The following PRKN variants were observed in gnomAD, a reference collection of about 807,000 sequenced individuals.
PRKN encodes parkin RBR E3 ubiquitin protein ligase, also known as E3 ubiquitin-protein ligase parkin.
PRKN carries 56 observed loss-of-function variants against 59.5 expected under a neutral mutation model. The observed-to-expected ratio is 0.94, with a 90% CI of 0.76 to 1.18. The LOEUF is 1.18. PRKN is among the 50% of genes most tolerant of loss of function. The pLI is 0.00. For missense variants in PRKN, 657 were observed against 596.4 expected, an observed-to-expected ratio of 1.10 and a Z score of -1.06; for synonymous variants, 250 against 222.1, an observed-to-expected ratio of 1.13 and a Z score of -1.12.
chr6:161,811,654 G>A (rs1327910618), intron 6 of PRKN, among the ~76,000 whole-genome samples: 2 of 152,178 alleles, frequency 1.3e-5, no homozygotes, highest in Admixed American at 1.3e-4. Flanking sequence ...CGGGCACGGT[G>A]GCTCACACCT....
rs2115104715 is a variant in PRKN at position 161,446,054 on chromosome 6, C to T, written c.1084-59177G>A. 6.7e-6 allele frequency among the ~76,000 whole-genome samples: 1 copy of T among 148,428 alleles called. No homozygotes were observed. The highest frequency in any genetic ancestry group is 3.4e-3 in the Middle Eastern group (1 of 294). ...CCCTGTCTCTATAAAAAATATAAAA[C>T]TTAGCTGGGTGTGGTGGCACATGCC... On this transcript the variant is annotated intron_variant, in intron 9 of 11. Coordinates refer to ENST00000366898, the MANE Select transcript of PRKN (RefSeq NM_004562.3). This position sits in a 1 kb window ranked among gnomAD's most constrained non-coding sequence, Gnocchi z 6.2.
At chr6:162,058,444 G>C (rs1777955835) in intron 4 of PRKN, among the ~76,000 whole-genome samples, 1 of 152,204 alleles carries the variant, frequency 6.6e-6, no homozygotes, top group South Asian at 2.1e-4. Flanking sequence ...CCTGTGCCAA[G>C]CTCTGGCTCT....
chr6:161,950,558 C>CAG (rs1779949846), intron 6 of PRKN, among the ~76,000 whole-genome samples: 2 of 152,010 alleles, frequency 1.3e-5, no homozygotes, highest in African/African-American at 4.8e-5. Context: ...AAAAGTGGTT[C>CAG]TCTCTTTGCA....
At chr6:162,165,148 T>C (rs1782921584) in intron 4 of PRKN, among the ~76,000 whole-genome samples, 1 of 148,902 alleles carries the variant, frequency 6.7e-6, no homozygotes, top group Admixed American at 6.7e-5. Flanking sequence ...CATATAGATA[T>C]CCATACCTCA....
intron 4 of PRKN, among the ~76,000 whole-genome samples, chr6:162,161,167 C>A (rs1782740944): frequency 6.6e-6 from 1 of 152,186 alleles, no homozygotes; most frequent in Non-Finnish European, 1.5e-5. Flanking sequence ...GCAAAGCTCA[C>A]AGGTTTATCC....
At chr6:162,198,054 A>G (rs1333444285) in intron 4 of PRKN, among the ~76,000 whole-genome samples, 6 of 152,176 alleles carry the variant, frequency 3.9e-5, no homozygotes, top group Admixed American at 3.9e-4. Flanking sequence ...TGGAGTTGAC[A>G]TTTTGGCCCC....
chr6:161,350,850 T>C (rs1362248796), intron 11 of PRKN, among the ~76,000 whole-genome samples: 1 of 90,126 alleles, frequency 1.1e-5, no homozygotes, highest in Admixed American at 1.9e-4. Flanking sequence ...TTTTTATATA[T>C]TTATATTTAA....
chr6:162,701,331 G>T (rs1011264954), intron 1 of PRKN, among the ~76,000 whole-genome samples: 2 of 152,000 alleles, frequency 1.3e-5, no homozygotes, highest in Admixed American at 1.3e-4. Context: ...TATTGCACAA[G>T]AAGATAAGAA....
chr6:161,749,336 T>C (rs1249482654), intron 7 of PRKN, among the ~76,000 whole-genome samples: 1 of 152,222 alleles, frequency 6.6e-6, no homozygotes, highest in Non-Finnish European at 1.5e-5. Context: ...TGTGCATATG[T>C]ACGCACATAC....
intron 6 of PRKN, among the ~76,000 whole-genome samples, chr6:161,912,686 C>T (rs1429807513): frequency 6.6e-6 from 1 of 151,970 alleles, no homozygotes; most frequent in Non-Finnish European, 1.5e-5. Flanking sequence ...GACTACAGCC[C>T]CAGTCAAGCC....
chr6:161,672,877 C>T (rs769068635), intron 7 of PRKN, among the ~76,000 whole-genome samples: 8 of 152,182 alleles, frequency 5.3e-5, no homozygotes, highest in Non-Finnish European at 7.3e-5. Context: ...AGTCTCTGAC[C>T]TATTCTAGAA....
At chr6:161,926,264 T>C (rs1041806283) in intron 6 of PRKN, among the ~76,000 whole-genome samples, 1 of 152,152 alleles carries the variant, frequency 6.6e-6, no homozygotes, top group Non-Finnish European at 1.5e-5. Context: ...CATACTTATA[T>C]ACCTAAATAC....
chr6:161,774,060 T>C (rs147803459), intron 7 of PRKN, among the ~76,000 whole-genome samples: 23 of 152,118 alleles, frequency 1.5e-4, no homozygotes, highest in African/African-American at 4.1e-4. Context: ...AGGCAGCATT[T>C]CCAAGGCCAA....
In PRKN at chr6:161,724,423, T is replaced by A. The variant is rs182815817; in HGVS notation, c.871+61349A>T. On this transcript the variant is annotated intron_variant, in intron 7 of 11. Coordinates refer to ENST00000366898, the MANE Select transcript of PRKN (RefSeq NM_004562.3). ...GAAAAATATGGTAAGCGTTCATACT[T>A]TCAGGAATTGCTTCTCTCTCAGGGA... Among the ~76,000 whole-genome samples, 16 of 152,346 alleles carry A rather than the reference T, an allele frequency of 1.1e-4. No individual in the cohort carries two copies. In the East Asian group the frequency reaches 3.1e-3, roughly 29 times the overall value.
intron 1 of PRKN, among the ~76,000 whole-genome samples, chr6:162,625,926 A>G (rs1011980497): frequency 1.1e-4 from 16 of 152,244 alleles, no homozygotes; most frequent in African/African-American, 1.4e-4. Context: ...GAAAGACTTC[A>G]GTCTGCTTTC....
intron 7 of PRKN, among the ~76,000 whole-genome samples, chr6:161,666,852 G>A (rs1784743843): frequency 6.6e-6 from 1 of 152,132 alleles, no homozygotes; most frequent in South Asian, 2.1e-4. Flanking sequence ...GAGTTTTGCT[G>A]GCAGACACTC....
At chr6:162,193,326 A>T (rs957118314) in intron 4 of PRKN, among the ~76,000 whole-genome samples, 35 of 152,224 alleles carry the variant, frequency 2.3e-4, no homozygotes, top group African/African-American at 8.4e-4. Flanking sequence ...CCGGCAGCTC[A>T]GCTAGATACC....
rs1208302595 is a variant in PRKN at position 161,499,378 on chromosome 6, AAAGT to A, written c.1083+49472_1083+49475del. Among the ~76,000 whole-genome samples, 4 of 152,178 alleles carry A rather than the reference AAAGT, an allele frequency of 2.6e-5. No homozygotes were observed. The highest frequency in any genetic ancestry group is 6.5e-5 in the Admixed American group (1 of 15,276). On this transcript the variant is annotated intron_variant, in intron 9 of 11. Coordinates refer to ENST00000366898, the MANE Select transcript of PRKN (RefSeq NM_004562.3). This position sits in a 1 kb window ranked among gnomAD's most constrained non-coding sequence, Gnocchi z 4.2. Reference sequence around the variant, plus strand: ...AGTGGGAAAGGGCTGTGTTTTTCTAAAAGTAAGAGAAAGAGTGTATTTCTTTGTG... The same window carrying A: ...AGTGGGAAAGGGCTGTGTTTTTCTAAAAGAGAAAGAGTGTATTTCTTTGTG...
At chr6:162,491,482 A>G (rs7740031) in intron 1 of PRKN, among the ~76,000 whole-genome samples, 34,688 of 152,096 alleles carry the variant, frequency 0.23, 4,853 homozygotes, top group African/African-American at 0.38. Flanking sequence ...GTCCACCTTC[A>G]TGCTCCAGCC....
Sources: gnomAD v4.1 joint callset for allele counts (sites outside exome capture counted in the v4.1 genomes callset) on GRCh38, gnomAD v4.1.1 for gene constraint, Gnocchi (gnomAD v3.1) non-coding constraint, MANE v1.5 for transcripts, NCBI Gene and HGNC (gene_info 2026-07-23, HGNC 2026-07-21) for gene names.